GPR158: variants seen among roughly 807,000 people sequenced by gnomAD.
GPR158 encodes the protein G protein-coupled receptor 158.
Under a neutral mutation model 78.2 loss-of-function variants are expected in GPR158, and 30 were observed. The observed-to-expected ratio is 0.38, with a 90% CI of 0.29 to 0.52. GPR158 has a LOEUF of 0.52. GPR158 is among the 20% of genes least tolerant of loss of function. The pLI, the probability that GPR158 is intolerant of heterozygous loss-of-function variation, is 0.83. For synonymous variants in GPR158, 581 were observed against 591.1 expected (o/e 0.98, Z 0.25); for missense variants, 1,463 against 1,523.5 (o/e 0.96, Z 0.66).
intron 2 of GPR158, among the ~76,000 whole-genome samples, chr10:25,288,484 A>C (rs1345254640): frequency 6.6e-6 from 1 of 152,220 alleles, no homozygotes; most frequent in East Asian, 1.9e-4. Context: ...ATTCGATTAC[A>C]AATGGGAGTT....
chr10:25,543,020 T>C (rs1836608717), intron 5 of GPR158, among the ~76,000 whole-genome samples: 2 of 152,142 alleles, frequency 1.3e-5, no homozygotes, highest in South Asian at 2.1e-4. Context: ...GTTATTGAAA[T>C]TGAAATCTTT....
chr10:25,314,992 C>T (rs1342637557), intron 2 of GPR158, among the ~76,000 whole-genome samples: 1 of 149,752 alleles, frequency 6.7e-6, no homozygotes, highest in Non-Finnish European at 1.5e-5. Context: ...ATTTTTTTGT[C>T]AGTACTGTTT....
intron 2 of GPR158, among the ~76,000 whole-genome samples, chr10:25,248,082 T>G (rs944762074): frequency 2.6e-5 from 4 of 152,192 alleles, no homozygotes; most frequent in Non-Finnish European, 5.9e-5. Flanking sequence ...ATGAGCATTT[T>G]TTCATGTGTT....
chr10:25,366,119 T>C (rs1855719694), intron 2 of GPR158, among the ~76,000 whole-genome samples: 1 of 150,100 alleles, frequency 6.7e-6, no homozygotes, highest in Non-Finnish European at 1.5e-5. Flanking sequence ...TTCTTCATTC[T>C]ACTGTAGACA....
chr10:25,431,082 TA>T (rs1834897053), intron 4 of GPR158, among the ~76,000 whole-genome samples: 1 of 141,432 alleles, frequency 7.1e-6, no homozygotes, highest in Non-Finnish European at 1.5e-5. Context: ...GGCAACCTAC[TA>T]AATGGGAGAA....
intron 2 of GPR158, among the ~76,000 whole-genome samples, chr10:25,224,556 T>A (rs1588743863): frequency 6.6e-6 from 1 of 152,030 alleles, no homozygotes; most frequent in East Asian, 1.9e-4. Context: ...TTCTATAAAA[T>A]TTTTAGTGAG....
intron 7 of GPR158, among the ~76,000 whole-genome samples, chr10:25,586,854 ATGAAACTG>A (rs1465135799): frequency 3.3e-5 from 5 of 152,326 alleles, no homozygotes; most frequent in African/African-American, 1.2e-4. Context: ...GTTAACACAG[ATGAAACTG>A]TTACTGAAAT....
chr10:25,478,565 G>A (rs1835620972), intron 5 of GPR158, among the ~76,000 whole-genome samples: 1 of 151,596 alleles, frequency 6.6e-6, no homozygotes, highest in East Asian at 1.9e-4. Context: ...GGTGGATTAA[G>A]CTATGAGATT....
chr10:25,578,201 G>A (rs755058850), intron 7 of GPR158, among the ~76,000 whole-genome samples: 4 of 152,188 alleles, frequency 2.6e-5, no homozygotes, highest in Non-Finnish European at 4.4e-5. Flanking sequence ...GAAGACAAAA[G>A]AATCTTTCCA....
At chr10:25,404,729 C>G (rs1175476791) in intron 3 of GPR158, among the ~76,000 whole-genome samples, 1 of 152,092 alleles carries the variant, frequency 6.6e-6, no homozygotes, top group Admixed American at 6.6e-5. Context: ...AGAGGGCTCA[C>G]AGTTTCTTTT....
chr10:25,590,152 C>G (rs1334837506), intron 8 of GPR158, among the ~76,000 whole-genome samples: 5 of 152,132 alleles, frequency 3.3e-5, no homozygotes, highest in Admixed American at 1.3e-4. Flanking sequence ...AGTCAGCAGT[C>G]AGAAGATGTG....
chr10:25,311,780 AT>A (rs1041962793), intron 2 of GPR158, among the ~76,000 whole-genome samples: 3 of 151,970 alleles, frequency 2.0e-5, no homozygotes, highest in African/African-American at 4.8e-5. Context: ...CCAAATGTTC[AT>A]TAATTTTTTT....
At chr10:25,405,262 G>A (rs1442380854) in intron 3 of GPR158, among the ~76,000 whole-genome samples, 1 of 151,868 alleles carries the variant, frequency 6.6e-6, no homozygotes, top group Non-Finnish European at 1.5e-5. Flanking sequence ...AGAGAAGGGA[G>A]ACTAATTTTT....
chr10:25,399,778 A>G (rs1271387318), intron 3 of GPR158, among the ~76,000 whole-genome samples: 1 of 152,160 alleles, frequency 6.6e-6, no homozygotes. Context: ...TTTTAATTTG[A>G]GGCTTATAAG....
intron 4 of GPR158, among the ~76,000 whole-genome samples, chr10:25,436,673 C>T (rs1233635180): frequency 6.6e-6 from 1 of 152,014 alleles, no homozygotes; most frequent in Non-Finnish European, 1.5e-5. Context: ...GAGAAGGATG[C>T]GGTGGATTTG....
At chr10:25,571,264 A>C (rs1046627570) in intron 6 of GPR158, among the ~76,000 whole-genome samples, 2 of 152,216 alleles carry the variant, frequency 1.3e-5, no homozygotes, top group African/African-American at 4.8e-5. Flanking sequence ...GACGTTCCAC[A>C]GAAAAATTGA....
In GPR158 at chr10:25,175,731, A is replaced by T. The variant is rs1452660751; in HGVS notation, c.311A>T (p.Glu104Val). ...CGAGCCAACTGCTCCGGCCGCTACGAGTTGGCGGGCCTGCCGGGGAAGTGG... is the reference window on the plus strand; with the variant it reads ...CGAGCCAACTGCTCCGGCCGCTACGTGTTGGCGGGCCTGCCGGGGAAGTGG... ...LKRANCSGRY[E>V]LAGLPGKWPA... Residue 104 changes from glutamate (E) to valine (V), a missense_variant, in exon 1 of 11, where the codon GAG (glutamate) becomes GTG (valine). Transcript: ENST00000376351. The surrounding 1 kb of genome is among the most constrained non-coding windows in gnomAD (Gnocchi z 6.4). The T allele has an allele frequency of 1.2e-6, 2 of 1,611,686 alleles. No individual in the cohort carries two copies. Among genetic ancestry groups the T allele is most frequent in the Admixed American group, 1.7e-5 (1 of 60,014 alleles).
intron 4 of GPR158, among the ~76,000 whole-genome samples, chr10:25,434,079 G>T (rs565465567): frequency 2.6e-5 from 4 of 151,984 alleles, no homozygotes; most frequent in African/African-American, 9.7e-5. Context: ...GAATGGCGGC[G>T]TGAACCCTGG....
At chr10:25,405,981 T>C (rs1024365722) in intron 3 of GPR158, among the ~76,000 whole-genome samples, 2 of 152,116 alleles carry the variant, frequency 1.3e-5, no homozygotes, top group East Asian at 1.9e-4. Flanking sequence ...TTCTATTCTA[T>C]ATGAATGCTG....
Sources: gnomAD v4.1 joint callset for allele counts (sites outside exome capture counted in the v4.1 genomes callset) on GRCh38, gnomAD v4.1.1 for gene constraint, Gnocchi (gnomAD v3.1) non-coding constraint, MANE v1.5 for transcripts, NCBI Gene and HGNC (gene_info 2026-07-23, HGNC 2026-07-21) for gene names.